The following PCCA variants were observed in gnomAD, a reference collection of about 807,000 sequenced individuals.
PCCA encodes propionyl-CoA carboxylase subunit alpha.
In PCCA, 74 loss-of-function variants were observed where a neutral mutation model predicts 101.3. The observed-to-expected ratio is 0.73, with a 90% CI of 0.61 to 0.89. PCCA has a LOEUF of 0.89. Ranked by LOEUF, PCCA falls within the 40% of genes least tolerant of loss-of-function variation. PCCA has a pLI of 0.00. For synonymous variants in PCCA, 294 were observed against 313.6 expected, an observed-to-expected ratio of 0.94 and a Z score of 0.66; for missense variants, 891 against 907.0, an observed-to-expected ratio of 0.98 and a Z score of 0.23.
chr13:100,506,760 G>C (rs2086109291), intron 21 of PCCA, among the ~76,000 whole-genome samples: 1 of 152,090 alleles, frequency 6.6e-6, no homozygotes, highest in African/African-American at 2.4e-5. Flanking sequence ...TATGAGCAAA[G>C]AGCATTTCAG....
chr13:100,197,865 C>T (rs974666051), intron 6 of PCCA, among the ~76,000 whole-genome samples: 1 of 152,200 alleles, frequency 6.6e-6, no homozygotes, highest in African/African-American at 2.4e-5. Flanking sequence ...CAGATACTAA[C>T]ATGCCCCAGA....
chr13:100,457,883 C>T (rs1224320880), intron 21 of PCCA, among the ~76,000 whole-genome samples: 2 of 152,140 alleles, frequency 1.3e-5, no homozygotes, highest in East Asian at 1.9e-4. Context: ...GTGTGTGACG[C>T]TGATGCTCCT....
At chr13:100,188,653 G>A (rs1224919946) in intron 6 of PCCA, among the ~76,000 whole-genome samples, 2 of 152,202 alleles carry the variant, frequency 1.3e-5, no homozygotes, top group African/African-American at 4.8e-5. Context: ...CATAGTGGTT[G>A]TACTAGCTTA....
chr13:100,433,948 TG>T (rs1378544818), intron 20 of PCCA, among the ~76,000 whole-genome samples: 2 of 152,216 alleles, frequency 1.3e-5, no homozygotes, highest in African/African-American at 4.8e-5. Flanking sequence ...TCCATTTTAA[TG>T]CTTAGGTTTA....
intron 4 of PCCA, among the ~76,000 whole-genome samples, chr13:100,137,059 T>A (rs573545720): frequency 1.3e-5 from 2 of 152,082 alleles, no homozygotes; most frequent in East Asian, 3.9e-4. Context: ...TATTTTTTTT[T>A]ATATATTGTG....
Position 100,425,603 on chromosome 13 carries a change from T to A in PCCA, c.1747-30T>A, listed in dbSNP as rs550845496. ...GAGATCAGTTTTCTGTCTTTCTTCA[T>A]GGTAATGGTCTTATTTGGTGTCACA... On this transcript the variant is annotated intron_variant, in intron 19 of 23. Transcript: ENST00000376285. 6.9e-6 allele frequency: 10 copies of A among 1,458,526 alleles called. No individual in the cohort carries two copies. In the South Asian group the frequency reaches 9.1e-5, roughly 13 times the overall value. 90.3% of individuals were successfully genotyped at this position (1,458,526 alleles called of 1,614,324 possible).
chr13:100,525,837 C>T (rs975911954), intron 22 of PCCA, among the ~76,000 whole-genome samples: 6 of 152,184 alleles, frequency 3.9e-5, no homozygotes, highest in African/African-American at 7.2e-5. Context: ...TTTGGGAGGC[C>T]GGCATGCAGT....
intron 19 of PCCA, among the ~76,000 whole-genome samples, chr13:100,404,004 T>A (rs2077523558): frequency 6.6e-6 from 1 of 152,158 alleles, no homozygotes; most frequent in South Asian, 2.1e-4. Flanking sequence ...TCTTAACTGC[T>A]TCCTGCTGAC....
chr13:100,450,584 G>A (rs369307498), intron 21 of PCCA, among the ~76,000 whole-genome samples: 73 of 152,166 alleles, frequency 4.8e-4, no homozygotes, highest in African/African-American at 1.7e-3. Flanking sequence ...AGTTTATTAA[G>A]AATATCAGAG....
Position 100,262,900 on chromosome 13 carries a change from C to T in PCCA, c.819+69C>T, listed in dbSNP as rs982241250. ...TATCATTTAATCCTATTGGAATTATCTTTTCTTCCATTTAGAATGATTGTG... is the reference window on the plus strand; with the variant it reads ...TATCATTTAATCCTATTGGAATTATTTTTTCTTCCATTTAGAATGATTGTG... On this transcript the variant is annotated intron_variant, in intron 10 of 23. Transcript: ENST00000376285. 16 of 744,726 alleles carry T rather than the reference C, an allele frequency of 2.1e-5. No homozygotes were observed. The South Asian group carries it at 2.5e-4, about 11-fold the overall frequency. The allele number at this position is 744,726 out of a possible 1,614,324, so 46.1% of individuals were successfully genotyped here.
intron 20 of PCCA, among the ~76,000 whole-genome samples, chr13:100,432,170 TAAAC>T (rs1228044349): frequency 9.9e-5 from 15 of 151,964 alleles, no homozygotes; most frequent in African/African-American, 1.9e-4. Context: ...AATAAATAAA[TAAAC>T]AAACAAACAG....
At chr13:100,473,851 A>T (rs1279102670) in intron 21 of PCCA, among the ~76,000 whole-genome samples, 1 of 152,256 alleles carries the variant, frequency 6.6e-6, no homozygotes, top group Non-Finnish European at 1.5e-5. Context: ...TCTCTGGCTT[A>T]TCGCACAATG....
At chr13:100,119,459 C>T (rs1278542441) in intron 4 of PCCA, among the ~76,000 whole-genome samples, 2 of 152,104 alleles carry the variant, frequency 1.3e-5, no homozygotes, top group Non-Finnish European at 1.5e-5. Flanking sequence ...GGGTATCACT[C>T]ATCTGGGACT....
chr13:100,311,724 C>T (rs530922962), intron 16 of PCCA, among the ~76,000 whole-genome samples: 3 of 152,184 alleles, frequency 2.0e-5, no homozygotes, highest in Non-Finnish European at 2.9e-5. Context: ...GAGATGAGAT[C>T]GCGCCATCAC....
At chr13:100,164,977 CATA>C (rs1431194635) in intron 6 of PCCA, among the ~76,000 whole-genome samples, 10 of 152,274 alleles carry the variant, frequency 6.6e-5, no homozygotes, top group African/African-American at 2.4e-4. Context: ...TTTCACTCAG[CATA>C]ATATTTTCAA....
intron 21 of PCCA, among the ~76,000 whole-genome samples, chr13:100,458,382 A>ACG (rs1347735807): frequency 8.9e-5 from 13 of 145,360 alleles, no homozygotes; most frequent in South Asian, 4.4e-4. Flanking sequence ...ACACACACAC[A>ACG]CACACGCACA....
intron 4 of PCCA, among the ~76,000 whole-genome samples, chr13:100,153,108 C>T (rs1215359298): frequency 6.6e-6 from 1 of 151,888 alleles, no homozygotes; most frequent in African/African-American, 2.4e-5. Context: ...CTTTTTGTAC[C>T]TCAAAGACAA....
chr13:100,204,939 A>C (rs2058761779), intron 6 of PCCA, among the ~76,000 whole-genome samples: 1 of 152,030 alleles, frequency 6.6e-6, no homozygotes. Context: ...GACTACAGGC[A>C]CACTTGGCTC....
chr13:100,509,511 T>C (rs1484376783), intron 21 of PCCA, among the ~76,000 whole-genome samples: 2 of 152,206 alleles, frequency 1.3e-5, no homozygotes, highest in Non-Finnish European at 2.9e-5. Context: ...TATTAAGAGT[T>C]GTTGAGTGCA....
Sources: gnomAD v4.1 joint callset for allele counts (sites outside exome capture counted in the v4.1 genomes callset) on GRCh38, gnomAD v4.1.1 for gene constraint, MANE v1.5 for transcripts, NCBI Gene and HGNC (gene_info 2026-07-23, HGNC 2026-07-21) for gene names.